The following SCD5 variants were observed in gnomAD, a reference collection of about 807,000 sequenced individuals.
SCD5 encodes acyl-CoA-desaturase 4.
A neutral mutation model predicts 30.4 loss-of-function variants in SCD5; 20 were observed. That is an observed-to-expected ratio of 0.66 (90% CI 0.46 to 0.96). The LOEUF is 0.96. SCD5 is among the 40% of genes least tolerant of loss of function. The probability of loss-of-function intolerance (pLI) is 0.00; values close to 1 mark genes in which losing one functional copy is unlikely to be tolerated. For synonymous variants in SCD5, 173 were observed against 176.4 expected (o/e 0.98, Z 0.16); for missense variants, 381 against 443.3 (o/e 0.86, Z 1.26).
intron 2 of SCD5, chr4:82,692,159 A>G (rs1298574303): frequency 6.4e-6 from 1 of 155,584 alleles, no homozygotes; most frequent in African/African-American, 2.4e-5. Context: ...TCGTCCATCG[A>G]TTGGGGCCTG....
intron 3 of SCD5, among the ~76,000 whole-genome samples, chr4:82,653,723 G>GAT (rs1727809154): frequency 6.6e-6 from 1 of 150,384 alleles, no homozygotes; most frequent in East Asian, 2.0e-4. Flanking sequence ...TAGATAGATA[G>GAT]ATATAGATAG....
At chr4:82,744,949 T>G (rs575068046) in intron 1 of SCD5, among the ~76,000 whole-genome samples, 30 of 152,246 alleles carry the variant, frequency 2.0e-4, no homozygotes, top group Non-Finnish European at 3.2e-4. Context: ...TAACATCATT[T>G]TCTTTTCTGT....
At chr4:82,707,695 G>A (rs1183472210) in intron 1 of SCD5, among the ~76,000 whole-genome samples, 1 of 152,220 alleles carries the variant, frequency 6.6e-6, no homozygotes, top group Non-Finnish European at 1.5e-5. Flanking sequence ...AGCCAGTAAG[G>A]AAATGAGGCC....
intron 1 of SCD5, among the ~76,000 whole-genome samples, chr4:82,787,427 C>T (rs144529730): frequency 2.2e-4 from 33 of 152,048 alleles, no homozygotes; most frequent in Middle Eastern, 3.4e-3. Context: ...ATGTAAAACA[C>T]AGGAGCCAGA....
intron 3 of SCD5, among the ~76,000 whole-genome samples, chr4:82,638,850 G>A (rs1250533996): frequency 6.6e-6 from 1 of 152,186 alleles, no homozygotes; most frequent in African/African-American, 2.4e-5. Flanking sequence ...ATATGCCAGG[G>A]CAGTTCTGAG....
chr4:82,780,133 C>T (rs1032378068), intron 1 of SCD5, among the ~76,000 whole-genome samples: 7 of 152,222 alleles, frequency 4.6e-5, no homozygotes, highest in African/African-American at 1.7e-4. Flanking sequence ...ACATCTGTAG[C>T]CAGTTTTCTT....
chr4:82,789,316 A>C (rs921409633), intron 1 of SCD5, among the ~76,000 whole-genome samples: 1 of 152,216 alleles, frequency 6.6e-6, no homozygotes, highest in African/African-American at 2.4e-5. Flanking sequence ...AGGAGTCAGA[A>C]GGGTAGGAGG....
intron 1 of SCD5, among the ~76,000 whole-genome samples, chr4:82,780,263 C>T (rs1268248713): frequency 3.3e-5 from 5 of 152,176 alleles, no homozygotes; most frequent in Admixed American, 3.3e-4. Flanking sequence ...GGTGTCACCC[C>T]CACCATGCAG....
Position 82,631,259 on chromosome 4 carries a change from A to C in SCD5, c.*68T>G, listed in dbSNP as rs75516791. On this transcript the variant is annotated 3_prime_UTR_variant, in exon 5 of 5. Coordinates refer to ENST00000319540, the MANE Select transcript of SCD5 (RefSeq NM_001037582.3). ...CCCCTCCCACGATCCAATGTACAAG[A>C]GAGCTATTGTAACCAAAGCCATGAA... is the stretch of plus-strand genomic sequence containing the variant. 0.03 allele frequency: 43,158 copies of C among 1,418,362 alleles called. 1,069 individuals carry two copies. The highest frequency in any genetic ancestry group is 0.1 in the South Asian group (7,689 of 75,058). The allele number at this position is 1,418,362 out of a possible 1,614,324, so 87.9% of individuals were successfully genotyped here.
intron 3 of SCD5, among the ~76,000 whole-genome samples, chr4:82,637,918 T>C (rs1727466840): frequency 6.6e-6 from 1 of 152,156 alleles, no homozygotes; most frequent in African/African-American, 2.4e-5. Flanking sequence ...ACGTGCAGGC[T>C]TGTCACATAG....
intron 1 of SCD5, among the ~76,000 whole-genome samples, chr4:82,749,786 T>C (rs568070840): frequency 1.3e-5 from 2 of 152,370 alleles, no homozygotes; most frequent in African/African-American, 4.8e-5. Flanking sequence ...TTAGAAATCA[T>C]TGCTTTAGAA....
chr4:82,748,329 C>G (rs943658884), intron 1 of SCD5, among the ~76,000 whole-genome samples: 2 of 151,572 alleles, frequency 1.3e-5, no homozygotes, highest in Non-Finnish European at 2.9e-5. Context: ...AAGCACAGGG[C>G]ACGGGGGAGA....
chr4:82,756,095 C>T (rs948295773), intron 1 of SCD5, among the ~76,000 whole-genome samples: 2 of 152,194 alleles, frequency 1.3e-5, no homozygotes, highest in Non-Finnish European at 2.9e-5. Flanking sequence ...AGATGCCTTC[C>T]TCCTCTGGGT....
chr4:82,746,067 T>C (rs1720975579), intron 1 of SCD5, among the ~76,000 whole-genome samples: 1 of 152,258 alleles, frequency 6.6e-6, no homozygotes, highest in Non-Finnish European at 1.5e-5. Context: ...ATAAGTGCTA[T>C]ATGAGTTTTC....
intron 2 of SCD5, among the ~76,000 whole-genome samples, chr4:82,701,073 CAAT>C (rs1719827700): frequency 6.6e-6 from 1 of 152,076 alleles, no homozygotes; most frequent in Non-Finnish European, 1.5e-5. Flanking sequence ...TGAATGACAA[CAAT>C]GTCGTAAAAG....
chr4:82,748,835 G>A (rs1299330910), intron 1 of SCD5, among the ~76,000 whole-genome samples: 1 of 152,186 alleles, frequency 6.6e-6, no homozygotes, highest in Non-Finnish European at 1.5e-5. Flanking sequence ...CAGTGGAAAA[G>A]GCCAGGGGAA....
intron 1 of SCD5, among the ~76,000 whole-genome samples, chr4:82,722,632 G>A (rs1483465273): frequency 6.9e-6 from 1 of 144,918 alleles, no homozygotes; most frequent in Non-Finnish European, 1.5e-5. Flanking sequence ...CAGGTGTGGT[G>A]GCAGGTGCCT....
intron 1 of SCD5, among the ~76,000 whole-genome samples, chr4:82,718,594 T>G (rs954833987): frequency 4.0e-5 from 6 of 151,760 alleles, no homozygotes; most frequent in Admixed American, 2.6e-4. Context: ...TTTTCAAGGT[T>G]GTTGTTATCA....
At chr4:82,634,086 C>A (rs1727374629) in intron 4 of SCD5, among the ~76,000 whole-genome samples, 1 of 152,200 alleles carries the variant, frequency 6.6e-6, no homozygotes, top group Admixed American at 6.5e-5. Context: ...ATCAGATCTT[C>A]ATTCTTTTTA....
Sources: allele counts gnomAD v4.1 joint callset (sites outside exome capture counted in the v4.1 genomes callset), GRCh38; gene constraint gnomAD v4.1.1; transcripts MANE v1.5; gene names NCBI Gene and HGNC (gene_info 2026-07-23, HGNC 2026-07-21).